The following DLEC1 variants were observed in gnomAD, a reference collection of about 807,000 sequenced individuals.
DLEC1 encodes deleted in lung and esophageal cancer protein 1.
DLEC1 carries 146 observed loss-of-function variants against 198.1 expected under a neutral mutation model. The observed-to-expected ratio is 0.74, with a 90% CI of 0.64 to 0.85. The LOEUF (loss-of-function observed/expected upper bound fraction) is 0.85. DLEC1 is among the 40% of genes least tolerant of loss of function. The pLI, the probability that DLEC1 is intolerant of heterozygous loss-of-function variation, is 0.00. For missense variants in DLEC1, 2,233 were observed against 2,220.0 expected, an observed-to-expected ratio of 1.01 and a Z score of -0.12; for synonymous variants, 897 against 866.8, an observed-to-expected ratio of 1.03 and a Z score of -0.61.
At position 38,112,738 on chromosome 3, in the gene DLEC1, G is replaced by A. The variant is rs1462271459; in HGVS notation, c.3666+377G>A. Among the ~76,000 whole-genome samples the A allele has an allele frequency of 2.6e-5, 4 of 152,256 alleles. No individual in the cohort carries two copies. The highest frequency in any genetic ancestry group is 6.5e-5 in the Admixed American group (1 of 15,290). On this transcript the variant is annotated intron_variant, in intron 25 of 36. Transcript: ENST00000308059. The surrounding 1 kb of genome is among the most constrained non-coding windows in gnomAD (Gnocchi z 4.8). The stretch of plus-strand genomic sequence containing the variant: ...CCTCCCAGAGCCAGGTCCTTGCCCC[G>A]CCCTTGGTGGGGCTCACCCAGGGGT...
chr3:38,075,739 G>T (rs9846750), intron 6 of DLEC1, among the ~76,000 whole-genome samples: 53,362 of 151,590 alleles, frequency 0.35, 9,806 homozygotes, highest in East Asian at 0.55. Context: ...TAAGAGGTTG[G>T]GGCATGGAAA....
In DLEC1 at chr3:38,117,587, C is replaced by T. The variant is rs1205017795; in HGVS notation, c.4461C>T (p.Leu1487=). The change falls in exon 32 of 37, where the codon CTC becomes CTT. Residue 1487 remains leucine, a synonymous_variant. Coordinates refer to ENST00000308059, the MANE Select transcript of DLEC1 (RefSeq NM_007335.4). ...AATTCCAGTGCCAGGCCAGTGACCT[C>T]ATTCCCGAGCAGCCCTGCTCTGGGG... ...SMEFQCQASD[L]IPEQPCSGVL... 6.2e-7 allele frequency: 1 copy of T among 1,614,170 alleles called. No homozygotes were observed. Among genetic ancestry groups the T allele is most frequent in the Admixed American group, 1.7e-5 (1 of 60,026 alleles).
intron 1 of DLEC1, among the ~76,000 whole-genome samples, chr3:38,040,797 TG>T (rs1299932640): frequency 6.6e-6 from 1 of 152,184 alleles, no homozygotes; most frequent in Non-Finnish European, 1.5e-5. Flanking sequence ...GAGTCTGAAT[TG>T]GCAAATAGTG....
chr3:38,119,394 C>T (rs1373626285), intron 33 of DLEC1, among the ~76,000 whole-genome samples: 1 of 152,104 alleles, frequency 6.6e-6, no homozygotes, highest in Non-Finnish European at 1.5e-5. Context: ...AGAGCTCTGG[C>T]ACCCCTTGTC....
rs1700546376 is a variant in DLEC1 at position 38,039,458 on chromosome 3, A to G, written c.233A>G (p.Gln78Arg). Residue 78 changes from glutamine (Q) to arginine (R), a missense_variant, in exon 1 of 37, where the codon CAG becomes CGG. Gln to Arg is a conservative substitution (Grantham distance 43). Transcript: ENST00000308059. ...QLALAQRPEP[Q>R]LLRLRPSSLR... ...GCGCTGGCGCAGCGTCCCGAGCCTCAGCTGCTTCGTCTGCGCCCCTCCTCG... is the reference window on the plus strand; with the variant it reads ...GCGCTGGCGCAGCGTCCCGAGCCTCGGCTGCTTCGTCTGCGCCCCTCCTCG... 2 of 1,613,870 alleles carry G rather than the reference A, an allele frequency of 1.2e-6. No individual in the cohort carries two copies. The highest frequency in any genetic ancestry group is 2.7e-5 in the African/African-American group (2 of 74,946).
chr3:38,043,370 G>C (rs1049424028), intron 1 of DLEC1, among the ~76,000 whole-genome samples: 1 of 152,200 alleles, frequency 6.6e-6, no homozygotes, highest in African/African-American at 2.4e-5. Context: ...ATTTGGACTA[G>C]ATGCTAATTC....
At chr3:38,080,754 A>G (rs115771747) in intron 6 of DLEC1, among the ~76,000 whole-genome samples, 2,658 of 151,318 alleles carry the variant, frequency 0.018, 86 homozygotes, top group African/African-American at 0.061. Context: ...GGAGGCAAAC[A>G]CAGAGAGAAG....
At chr3:38,105,499 T>C (rs1021043892) in intron 19 of DLEC1, among the ~76,000 whole-genome samples, 22 of 152,176 alleles carry the variant, frequency 1.4e-4, no homozygotes, top group Admixed American at 1.4e-3. Context: ...CTAATTTATC[T>C]TTTTATAATT....
chr3:38,085,284 A>G lies in DLEC1; in HGVS notation c.1272A>G (p.Pro424=), dbSNP rs1698390859. 1 of 1,614,148 alleles carries G rather than the reference A, an allele frequency of 6.2e-7. No individual in the cohort carries two copies. Among genetic ancestry groups the G allele is most frequent in the Non-Finnish European group, 8.5e-7 (1 of 1,180,016 alleles). The change falls in exon 8 of 37, where the codon CCA becomes CCG. Residue 424 remains proline, a synonymous_variant. Coordinates refer to ENST00000308059, the MANE Select transcript of DLEC1 (RefSeq NM_007335.4). ...TTTTGTCATGCACAGGGATGTTCCC[A>G]GGAAAAGGTGGAATGGTGGCTCCTG... ...PYFALGLGMF[P]GKGGMVAPGM...
In DLEC1 at chr3:38,087,336, CACACCATCCATCAGCACTG is replaced by C. The variant is rs535481184; in HGVS notation, c.1573-924_1573-906del. ...CACTGACACCATCCATCAGCATGCT[CACACCATCCATCAGCACTG>C]ACACCATCCATCAGCACTGACACCA... On this transcript the variant is annotated intron_variant, in intron 9 of 36. Transcript: ENST00000308059. 8.3e-4 allele frequency among the ~76,000 whole-genome samples: 111 copies of C among 133,600 alleles called. 1 individual carries two copies. Among genetic ancestry groups the C allele is most frequent in the Non-Finnish European group, 1.1e-3 (64 of 59,846 alleles). 87.6% of individuals were successfully genotyped at this position (133,600 alleles called of 152,430 possible).
At chr3:38,085,565 G>T in intron 8 of DLEC1, 118 bp downstream of exon 8, 1 of 1,254,344 alleles carries the variant, frequency 8.0e-7, no homozygotes, top group Non-Finnish European at 1.1e-6. Flanking sequence ...TTGGGCAGGG[G>T]CCGTGGGTCC....
Position 38,123,170 on chromosome 3 carries a change from A to C in DLEC1, c.*758A>C, listed in dbSNP as rs751736868. On this transcript the variant is annotated 3_prime_UTR_variant, in exon 37 of 37. Coordinates refer to ENST00000308059, the MANE Select transcript of DLEC1 (RefSeq NM_007335.4). The stretch of plus-strand genomic sequence containing the variant: ...GCTGGGCAAAGGCACCCACCAAATT[A>C]CCTCCAGACCAGGCTGACCCAGAAG... 6.5e-5 allele frequency: 103 copies of C among 1,572,660 alleles called. No homozygotes were observed. The highest frequency in any genetic ancestry group is 8.8e-5 in the Non-Finnish European group (100 of 1,142,646).
At chr3:38,089,549 C>A (rs1698634778) in intron 10 of DLEC1, among the ~76,000 whole-genome samples, 1 of 152,134 alleles carries the variant, frequency 6.6e-6, no homozygotes, top group Admixed American at 6.5e-5. Flanking sequence ...CTTTGTCAGG[C>A]CTCATCTACT....
chr3:38,062,105 A>T, intron 3 of DLEC1, 64 bp from the exon 4 acceptor site: 5 of 1,563,466 alleles, frequency 3.2e-6, no homozygotes, highest in Non-Finnish European at 4.4e-6. Context: ...TTATTTGGTC[A>T]TCTTAGGAAT....
intron 34 of DLEC1, 65 bp from the exon 35 acceptor site, chr3:38,121,561 CTG>C (rs1700462472): frequency 1.9e-6 from 3 of 1,556,384 alleles, no homozygotes; most frequent in African/African-American, 1.4e-5. Context: ...CAGCAGGGTT[CTG>C]TGTGTCCCAG....
chr3:38,117,986 G>T lies in DLEC1; in HGVS notation c.4666G>T (p.Asp1556Tyr). 1 of 1,612,680 alleles carries T rather than the reference G, an allele frequency of 6.2e-7. No individual in the cohort carries two copies. Among genetic ancestry groups the T allele is most frequent in the South Asian group, 1.1e-5 (1 of 91,018 alleles). ...QECEEETASADKQLVLQAQEN... is the reference protein window; with the variant it reads ...QECEEETASAYKQLVLQAQEN... ...GTGTGAGGAGGAGACAGCCTCAGCG[G>T]ACAAGCAGCTGGTGCTCCAAGCACA... Residue 1556 changes from aspartate (D) to tyrosine (Y), a missense_variant, in exon 33 of 37, where the codon GAC becomes TAC. Asp to Tyr is a radical substitution (Grantham distance 160). Coordinates refer to ENST00000308059, the MANE Select transcript of DLEC1 (RefSeq NM_007335.4).
At position 38,109,420 on chromosome 3, in the gene DLEC1, G is replaced by A; in HGVS notation, c.3130-12G>A. On this transcript the variant is annotated splice_polypyrimidine_tract_variant and intron_variant, in intron 21 of 36. Transcript: ENST00000308059. The stretch of plus-strand genomic sequence containing the variant: ...CAGGCCTGGTCTGACCCCTGGATGG[G>A]CTTTCTTATAGGAAGAGCTGACCCA... 3 of 1,614,040 alleles carry A rather than the reference G, an allele frequency of 1.9e-6. No homozygotes were observed. The highest frequency in any genetic ancestry group is 2.5e-6 in the Non-Finnish European group (3 of 1,179,964).
intron 26 of DLEC1, 106 bp from the exon 27 acceptor site, chr3:38,114,877 C>T (rs774121910): frequency 1.2e-5 from 12 of 960,928 alleles, no homozygotes; most frequent in Non-Finnish European, 1.8e-5. Context: ...GAGGCCAGAC[C>T]ACTGTGGTAT....
intron 6 of DLEC1, among the ~76,000 whole-genome samples, chr3:38,075,108 G>A (rs1450331341): frequency 1.3e-5 from 2 of 151,942 alleles, no homozygotes; most frequent in Admixed American, 1.3e-4. Context: ...TGAGGAGGAG[G>A]GGAAAGGTCA....
Sources: gnomAD v4.1 joint callset for allele counts (sites outside exome capture counted in the v4.1 genomes callset) on GRCh38, gnomAD v4.1.1 for gene constraint, Gnocchi (gnomAD v3.1) non-coding constraint, MANE v1.5 for transcripts, NCBI Gene and HGNC (gene_info 2026-07-23, HGNC 2026-07-21) for gene names.